The following A2M variants were observed in gnomAD, a reference collection of about 807,000 sequenced individuals.
The protein encoded by A2M is C3 and PZP-like alpha-2-macroglobulin domain-containing protein 5.
In A2M, 128 loss-of-function variants were observed where a neutral mutation model predicts 183.9. The observed-to-expected ratio is 0.70, with a 90% CI of 0.60 to 0.81. A2M has a LOEUF of 0.81. A2M is among the 30% of genes least tolerant of loss of function. The pLI is 0.00. For synonymous variants in A2M, 592 were observed against 670.8 expected (o/e 0.88, Z 1.81); for missense variants, 1,495 against 1,787.6 (o/e 0.84, Z 2.95).
intron 25 of A2M, among the ~76,000 whole-genome samples, chr12:9,078,759 T>C (rs1948821715): frequency 6.6e-6 from 1 of 152,234 alleles, no homozygotes; most frequent in Non-Finnish European, 1.5e-5. Context: ...CACATGCAGC[T>C]CTTACATGCA....
intron 14 of A2M, 32 bp downstream of exon 14, chr12:9,099,349 A>G (rs1592375220): frequency 6.5e-7 from 1 of 1,540,034 alleles, no homozygotes; most frequent in African/African-American, 1.4e-5. Context: ...CTAGTTTTAC[A>G]TGTTGAAGAT....
intron 22 of A2M, among the ~76,000 whole-genome samples, chr12:9,081,659 T>C (rs898241539): frequency 6.6e-6 from 1 of 152,208 alleles, no homozygotes; most frequent in Non-Finnish European, 1.5e-5. Context: ...CTCCTTTAGG[T>C]TAGCACAATG....
At chr12:9,109,016 C>T (rs1483379861) in intron 7 of A2M, among the ~76,000 whole-genome samples, 2 of 140,346 alleles carry the variant, frequency 1.4e-5, no homozygotes, top group African/African-American at 2.9e-5. Context: ...CCCTTCAACA[C>T]TATCCACCCT....
intron 13 of A2M, 68 bp from the exon 14 acceptor site, chr12:9,099,591 A>T: frequency 6.6e-7 from 1 of 1,513,828 alleles, no homozygotes; most frequent in Non-Finnish European, 8.9e-7. Context: ...TAGATGTAAC[A>T]GACATAATAA....
intron 32 of A2M, 71 bp downstream of exon 32, chr12:9,070,417 G>C (rs1421912527): frequency 4.0e-6 from 4 of 993,660 alleles, no homozygotes; most frequent in Non-Finnish European, 6.3e-6. Flanking sequence ...TTTGATATTA[G>C]TATTGTCTTA....
chr12:9,076,816 C>T lies in A2M; in HGVS notation c.3472G>A (p.Gly1158Ser). ...ACTTCCTTCCTCTTGTCCTGGTTAC[C>T]TGCCAGGGCAAAAGCATAGGCCAGC... The part of the protein sequence containing the change: ...ALLAYAFALA[G>S]NQDKRKEVLK... The change falls in exon 28 of 36, where the codon GGT becomes AGT. Residue 1158 changes from glycine (G) to serine (S), a missense_variant. Physicochemically the swap from Gly to Ser is moderately conservative, Grantham distance 56. Coordinates refer to ENST00000318602, the MANE Select transcript of A2M (RefSeq NM_000014.6). 2.5e-6 allele frequency: 4 copies of T among 1,614,010 alleles called. No individual in the cohort carries two copies. The highest frequency in any genetic ancestry group is 1.7e-6 in the Non-Finnish European group (2 of 1,179,958).
intron 35 of A2M, 127 bp from the exon 36 acceptor site, chr12:9,067,966 C>A (rs1209014779): frequency 9.5e-7 from 1 of 1,048,956 alleles, no homozygotes; most frequent in South Asian, 1.4e-5. Flanking sequence ...GAAACCAAAT[C>A]TATTCCAAAT....
chr12:9,088,582 G>A (rs1949116784), intron 22 of A2M, among the ~76,000 whole-genome samples: 1 of 152,158 alleles, frequency 6.6e-6, no homozygotes, highest in Non-Finnish European at 1.5e-5. Flanking sequence ...GTCAGAGAAA[G>A]GCAATGAACC....
chr12:9,093,621 A>C (rs1949278298), intron 17 of A2M, 42 bp from the exon 18 acceptor site: 1 of 1,151,682 alleles, frequency 8.7e-7, no homozygotes, highest in Non-Finnish European at 1.2e-6. Context: ...AAACATACAG[A>C]TAAAGCTTAT....
Position 9,068,794 on chromosome 12 carries a change from G to C in A2M, c.4312C>G (p.Pro1438Ala), listed in dbSNP as rs1948472532. 6.2e-7 allele frequency: 1 copy of C among 1,609,084 alleles called. No individual in the cohort carries two copies. Among genetic ancestry groups the C allele is most frequent in the South Asian group, 1.1e-5 (1 of 89,454 alleles). Residue 1438 changes from proline (P) to alanine (A), a missense_variant, in exon 34 of 36, where the codon CCA becomes GCA. Coordinates refer to ENST00000318602, the MANE Select transcript of A2M (RefSeq NM_000014.6). ...ATGGCTGGTTTCAGATCTCTTACTGGGACATCTTGCAGAACCGTGAAGAAC... is the reference window on the plus strand; with the variant it reads ...ATGGCTGGTTTCAGATCTCTTACTGCGACATCTTGCAGAACCGTGAAGAAC... Reference protein sequence around the residue: ...SLFFTVLQDVPVRDLKPAIVK... With the variant: ...SLFFTVLQDVAVRDLKPAIVK...
intron 21 of A2M, 108 bp from the exon 22 acceptor site, chr12:9,089,359 G>T: frequency 1.2e-6 from 1 of 824,190 alleles, no homozygotes; most frequent in Non-Finnish European, 2.0e-6. Flanking sequence ...GATTTGAACT[G>T]TATTATCTAA....
chr12:9,108,473 A>G (rs57470443), intron 7 of A2M, among the ~76,000 whole-genome samples: 6,091 of 152,258 alleles, frequency 0.04, 135 homozygotes, highest in Non-Finnish European at 0.055. Flanking sequence ...TATGTCATAG[A>G]CAATTGCTGG....
intron 21 of A2M, 106 bp downstream of exon 21, chr12:9,089,796 G>A (rs976842411): frequency 1.2e-6 from 1 of 831,212 alleles, no homozygotes; most frequent in African/African-American, 1.8e-5. Flanking sequence ...AGAGAGATAG[G>A]ACAGAGAGAT....
chr12:9,069,266 C>T (rs1473401181), intron 33 of A2M, among the ~76,000 whole-genome samples: 1 of 152,190 alleles, frequency 6.6e-6, no homozygotes, highest in Non-Finnish European at 1.5e-5. Flanking sequence ...TTCCCATCAA[C>T]TTATGCATGA....
At chr12:9,089,848 T>C in intron 21 of A2M, 54 bp downstream of exon 21, 1 of 1,120,282 alleles carries the variant, frequency 8.9e-7, no homozygotes, top group Non-Finnish European at 1.3e-6. Context: ...ATTATTATAT[T>C]ACCCACATAT....
intron 34 of A2M, 36 bp from the exon 35 acceptor site, chr12:9,068,260 A>G (rs1375714457): frequency 6.3e-7 from 1 of 1,595,508 alleles, no homozygotes; most frequent in Non-Finnish European, 8.5e-7. Context: ...ACCAGAAATC[A>G]TTACATGAAG....
Position 9,074,626 on chromosome 12 carries a change from A to C in A2M, c.3690T>G (p.Ser1230=). Residue 1230 remains serine, a synonymous_variant, in exon 29 of 36, where the codon TCT becomes TCG. Coordinates refer to ENST00000318602, the MANE Select transcript of A2M (RefSeq NM_000014.6). The part of the protein sequence containing the change: ...QPAPTSEDLT[S]ATNIVKWITK... ...TGATCCACTTCACGATGTTGGTTGC[A>C]GAGGTCAGGTCCTCCGAGGTTGGGG... 1 of 1,613,942 alleles carries C rather than the reference A, an allele frequency of 6.2e-7. No individual in the cohort carries two copies. The highest frequency in any genetic ancestry group is 8.5e-7 in the Non-Finnish European group (1 of 1,179,962).
intron 25 of A2M, 116 bp downstream of exon 25, chr12:9,079,128 A>G (rs1948830836): frequency 1.3e-6 from 1 of 763,096 alleles, no homozygotes; most frequent in African/African-American, 1.8e-5. Context: ...ATCTAGTATA[A>G]CAAACCATCG....
Position 9,115,853 on chromosome 12 carries a change from G to T in A2M, c.-4C>A, listed in dbSNP as rs1428593151. ...GAAGGAGTTTGTTCTTCCCCATGTT[G>T]CAGAAAGAAGGAGCTGGAGGAGAAC... On this transcript the variant is annotated 5_prime_UTR_variant, in exon 1 of 36. Transcript: ENST00000318602. 6.2e-7 allele frequency: 1 copy of T among 1,611,800 alleles called. No individual in the cohort carries two copies.
Sources: gnomAD v4.1 joint callset for allele counts (sites outside exome capture counted in the v4.1 genomes callset) on GRCh38, gnomAD v4.1.1 for gene constraint, MANE v1.5 for transcripts, NCBI Gene and HGNC (gene_info 2026-07-23, HGNC 2026-07-21) for gene names.